Variants in TRIM37 observed in about 807,000 individuals in gnomAD.
TRIM37 encodes E3 ubiquitin-protein ligase TRIM37.
TRIM37 carries 80 observed loss-of-function variants against 129.8 expected under a neutral mutation model. That is an observed-to-expected ratio of 0.62 (90% CI 0.51 to 0.74). The LOEUF (loss-of-function observed/expected upper bound fraction) is 0.74, where lower values mean the gene tolerates loss of function less well. Ranked by LOEUF, TRIM37 falls within the 30% of genes least tolerant of loss-of-function variation. The probability of loss-of-function intolerance (pLI) is 0.00; values close to 1 mark genes in which losing one functional copy is unlikely to be tolerated. For synonymous variants in TRIM37, 389 were observed against 387.1 expected (o/e 1.00, Z -0.06); for missense variants, 1,054 against 1,176.5 (o/e 0.90, Z 1.52).
At chr17:58,974,748 T>A in the TRIM37 span, among the ~76,000 whole-genome samples, 1 of 152,182 alleles carries the variant, frequency 6.6e-6, no homozygotes, top group Non-Finnish European at 1.5e-5. Flanking sequence ...TTACCAAAAA[T>A]TCCAGAACAT....
At chr17:59,083,977 A>G in intron 5 of TRIM37, 25 bp downstream of exon 5, 4 of 1,599,706 alleles carry the variant, frequency 2.5e-6, no homozygotes, top group Non-Finnish European at 2.6e-6. Context: ...TAACTTAAAA[A>G]AAATACTGAA....
chr17:59,021,189 T>G (rs866010881), intron 19 of TRIM37, among the ~76,000 whole-genome samples: 10 of 152,056 alleles, frequency 6.6e-5, no homozygotes, highest in African/African-American at 1.7e-4. Flanking sequence ...GTCAGGAGTT[T>G]GAGACCAGCC....
intron 16 of TRIM37, among the ~76,000 whole-genome samples, chr17:59,044,802 G>A (rs907845071): frequency 2.6e-5 from 4 of 152,016 alleles, no homozygotes; most frequent in African/African-American, 9.7e-5. Flanking sequence ...ATCCAAGGGC[G>A]GGGTCCTAGA....
intron 5 of TRIM37, among the ~76,000 whole-genome samples, 189 bp from the exon 6 acceptor site, chr17:59,081,408 T>A (rs939438225): frequency 2.0e-4 from 30 of 152,202 alleles, no homozygotes; most frequent in African/African-American, 7.2e-4. Flanking sequence ...AGGAACTCTT[T>A]CAAGATTATA....
downstream of TRIM37, among the ~76,000 whole-genome samples, chr17:58,996,326 C>T (rs534578324): frequency 3.8e-4 from 57 of 151,758 alleles, no homozygotes; most frequent in Non-Finnish European, 1.6e-4. Context: ...AAAAATTAGC[C>T]GGGCGTGGTG....
Position 59,041,804 on chromosome 17 carries a change from C to T in TRIM37, c.1753+9G>A. 2 of 1,609,136 alleles carry T rather than the reference C, an allele frequency of 1.2e-6. No homozygotes were observed. Among genetic ancestry groups the T allele is most frequent in the East Asian group, 4.5e-5 (2 of 44,822 alleles). On this transcript the variant is annotated intron_variant, in intron 17 of 23. Transcript: ENST00000262294. ...GAATGGCTTGGAGGCAGTGGAGTGA[C>T]CTCATTACCTGCGGGTCCTGCAGCA...
chr17:58,994,010 T>C (rs1598765409), downstream of TRIM37, among the ~76,000 whole-genome samples: 1 of 152,208 alleles, frequency 6.6e-6, no homozygotes, highest in African/African-American at 2.4e-5. Flanking sequence ...TAAATCTGTT[T>C]TTTGTAGGGC....
At chr17:59,083,154 G>A (rs954833099) in intron 5 of TRIM37, among the ~76,000 whole-genome samples, 2 of 152,124 alleles carry the variant, frequency 1.3e-5, no homozygotes, top group Non-Finnish European at 2.9e-5. Flanking sequence ...AGTATTCAGA[G>A]GCTGGGCGCG....
chr17:58,972,870 A>C, the TRIM37 span: 1 of 1,613,202 alleles, frequency 6.2e-7, no homozygotes, highest in South Asian at 1.1e-5. Flanking sequence ...GAGGTTGCGT[A>C]GTCTGGTTTG....
chr17:58,987,309 C>A (rs748704855), intron 24 of TRIM37, among the ~76,000 whole-genome samples: 1 of 152,176 alleles, frequency 6.6e-6, no homozygotes, highest in Non-Finnish European at 1.5e-5. Context: ...TAAGCCAAAT[C>A]GAGTTGCTAC....
At chr17:59,062,753 C>T (rs932425983) in intron 10 of TRIM37, 105 bp from the exon 11 acceptor site, 1 of 889,468 alleles carries the variant, frequency 1.1e-6, no homozygotes, top group African/African-American at 1.7e-5. Context: ...ACTTGAAATC[C>T]TAGACAAATA....
intron 17 of TRIM37, among the ~76,000 whole-genome samples, chr17:59,038,014 T>A (rs2038747806): frequency 6.6e-6 from 1 of 152,182 alleles, no homozygotes; most frequent in Non-Finnish European, 1.5e-5. Flanking sequence ...ACTACAGATA[T>A]AAAGTACCAT....
chr17:59,085,902 G>A (rs2043707933), intron 4 of TRIM37, among the ~76,000 whole-genome samples: 1 of 152,124 alleles, frequency 6.6e-6, no homozygotes, highest in Non-Finnish European at 1.5e-5. Context: ...GAACCTTGAG[G>A]ACATTATGCT....
intron 9 of TRIM37, among the ~76,000 whole-genome samples, chr17:59,065,798 C>G (rs532508984): frequency 6.6e-6 from 1 of 152,296 alleles, no homozygotes; most frequent in East Asian, 1.9e-4. Flanking sequence ...CACTGCCACA[C>G]TATGATAGTG....
intron 18 of TRIM37, among the ~76,000 whole-genome samples, chr17:59,029,912 G>A (rs958102347): frequency 5.3e-5 from 8 of 152,066 alleles, no homozygotes; most frequent in Admixed American, 2.0e-4. Flanking sequence ...TTTTCATTTG[G>A]CTTCCATGAG....
chr17:59,101,941 AAAAAAAT>A (rs889382124), intron 2 of TRIM37, among the ~76,000 whole-genome samples: 8 of 151,408 alleles, frequency 5.3e-5, no homozygotes, highest in South Asian at 2.1e-4. Context: ...TCCATCTCAA[AAAAAAAT>A]AAAAAATAAA....
intron 22 of TRIM37, among the ~76,000 whole-genome samples, chr17:59,011,051 T>A (rs2035190863): frequency 6.6e-6 from 1 of 151,684 alleles, no homozygotes; most frequent in African/African-American, 2.4e-5. Context: ...GCGCCTGTAA[T>A]CCCAGCTATG....
At chr17:59,089,182 A>T (rs1318238291) in intron 3 of TRIM37, among the ~76,000 whole-genome samples, 1 of 152,130 alleles carries the variant, frequency 6.6e-6, no homozygotes, top group Non-Finnish European at 1.5e-5. Flanking sequence ...TGAGCCAGGG[A>T]GATTGAGGCT....
intron 2 of TRIM37, among the ~76,000 whole-genome samples, chr17:59,097,296 T>C (rs2044990392): frequency 6.6e-6 from 1 of 152,134 alleles, no homozygotes; most frequent in Admixed American, 6.6e-5. Flanking sequence ...GCCAGAGTAC[T>C]TAGGCAAGAT....
Sources: allele counts gnomAD v4.1 joint callset (sites outside exome capture counted in the v4.1 genomes callset), GRCh38; gene constraint gnomAD v4.1.1; transcripts MANE v1.5; gene names NCBI Gene and HGNC (gene_info 2026-07-23, HGNC 2026-07-21).